Variants in CFAP97D1 observed in about 807,000 individuals in gnomAD.
CFAP97D1 encodes the protein sperm axonemal maintenance protein CFAP97D1.
Under a neutral mutation model 20.5 loss-of-function variants are expected in CFAP97D1, and 15 were observed. The ratio of observed to expected loss-of-function variants is 0.73; its 90% CI spans 0.49 to 1.13. The LOEUF is 1.13. CFAP97D1 is among the 50% of genes most tolerant of loss of function. The pLI is 0.00. For missense variants in CFAP97D1, 168 were observed against 202.9 expected (o/e 0.83, Z 1.04); for synonymous variants, 58 against 71.2 (o/e 0.82, Z 0.93).
intron 4 of CFAP97D1, 120 bp downstream of exon 4, chr17:43,783,423 C>CCAAAGCAAAA: frequency 7.6e-7 from 1 of 1,316,394 alleles, no homozygotes; most frequent in Non-Finnish European, 1.0e-6. Flanking sequence ...ATGTAACAAT[C>CCAAAGCAAAA]GTTAAAAGAA....
chr17:43,781,237 T>C, intron 2 of CFAP97D1, 48 bp downstream of exon 2: 1 of 1,444,944 alleles, frequency 6.9e-7, no homozygotes, highest in Non-Finnish European at 9.5e-7. Flanking sequence ...TTTATTGACT[T>C]CCAGTCTGTT....
chr17:43,784,043 G>C lies in CFAP97D1; in HGVS notation c.*150G>C, dbSNP rs1473211874. The C allele has an allele frequency of 2.2e-5, 12 of 556,592 alleles. No homozygotes were observed. In the East Asian group the frequency reaches 3.4e-4, roughly 16 times the overall value. 34.5% of individuals were successfully genotyped at this position (556,592 alleles called of 1,614,324 possible). ...TAGTCTTCCATTCGGGAAACTTGGG[G>C]CTCTCTGACTTTATTTCTTCTCTCC... is the stretch of plus-strand genomic sequence containing the variant. On this transcript the variant is annotated intron_variant, in intron 5 of 5. Coordinates refer to ENST00000449302, the MANE Select transcript of CFAP97D1 (RefSeq NM_001136483.3).
chr17:43,783,382 T>C (rs1052193084), intron 4 of CFAP97D1, 79 bp downstream of exon 4: 1 of 1,499,590 alleles, frequency 6.7e-7, no homozygotes, highest in African/African-American at 1.4e-5. Context: ...CTCAGAAAAA[T>C]CCCTGAACAG....
intron 1 of CFAP97D1, 64 bp downstream of exon 1, chr17:43,780,650 A>T (rs1162544473): frequency 2.0e-6 from 3 of 1,533,140 alleles, no homozygotes; most frequent in Non-Finnish European, 2.6e-6. Context: ...CCATAAAGAG[A>T]TCAACAGGAA....
chr17:43,783,462 G>C (rs143008045), intron 4 of CFAP97D1, among the ~76,000 whole-genome samples, 159 bp downstream of exon 4: 147 of 151,832 alleles, frequency 9.7e-4, no homozygotes, highest in African/African-American at 3.5e-3. Flanking sequence ...AAAGCTAACA[G>C]GCACAAACCA....
At chr17:43,782,055 G>A in intron 3 of CFAP97D1, among the ~76,000 whole-genome samples, 163 bp downstream of exon 3, 1 of 152,294 alleles carries the variant, frequency 6.6e-6, no homozygotes, top group East Asian at 1.9e-4. Flanking sequence ...TAAAAATGGG[G>A]ACCTTTCTCT....
chr17:43,783,314 A>G lies in CFAP97D1; in HGVS notation c.438+11A>G, dbSNP rs1974494200. ...GAGATAGACTGGCAGGCACGTGGGC[A>G]CTCATGTTATACTCCCAGACACACA... is the stretch of plus-strand genomic sequence containing the variant. On this transcript the variant is annotated intron_variant, in intron 4 of 5. Coordinates refer to ENST00000449302, the MANE Select transcript of CFAP97D1 (RefSeq NM_001136483.3). 6.4e-7 allele frequency: 1 copy of G among 1,550,900 alleles called. No homozygotes were observed. The highest frequency in any genetic ancestry group is 1.2e-5 in the South Asian group (1 of 84,040).
rs575976180 is a variant in CFAP97D1, at chr17:43,780,835, C to T, written c.124+249C>T. Among the ~76,000 whole-genome samples the T allele has an allele frequency of 3.3e-5, 5 of 152,268 alleles. No individual in the cohort carries two copies. In the East Asian group the frequency reaches 7.7e-4, roughly 23 times the overall value. ...AGAAAGGGGATAAGACTTCAGAAGCCAATAGACAGGCTAATAATATTGGAA... is the reference window on the plus strand; with the variant it reads ...AGAAAGGGGATAAGACTTCAGAAGCTAATAGACAGGCTAATAATATTGGAA... On this transcript the variant is annotated intron_variant, in intron 1 of 5. Transcript: ENST00000449302.
chr17:43,783,763 A>G (rs939754210), intron 4 of CFAP97D1, 74 bp from the exon 5 acceptor site: 3 of 1,131,418 alleles, frequency 2.7e-6, no homozygotes, highest in Middle Eastern at 2.0e-4. Flanking sequence ...TTTCTAAGTC[A>G]TCCCTGGGAT....
At chr17:43,783,762 C>A in intron 4 of CFAP97D1, 75 bp from the exon 5 acceptor site, 4 of 1,130,444 alleles carry the variant, frequency 3.5e-6, no homozygotes, top group South Asian at 2.7e-5. Flanking sequence ...TTTTCTAAGT[C>A]ATCCCTGGGA....
At position 43,783,897 on chromosome 17, in the gene CFAP97D1, T is replaced by G. The variant is rs148379784; in HGVS notation, c.*4T>G. 6.7e-4 allele frequency: 1,029 copies of G among 1,546,532 alleles called. 1 individual carries two copies. Among genetic ancestry groups the G allele is most frequent in the Admixed American group, 2.3e-3 (119 of 50,986 alleles). On this transcript the variant is annotated splice_donor_region_variant and intron_variant, in intron 5 of 5. Transcript: ENST00000449302. Reference sequence around the variant, plus strand: ...TCTTCTCTCCCAAAATGAATAGGTATGTCTCTCTTACTATCAAACACTGTG... The same window carrying G: ...TCTTCTCTCCCAAAATGAATAGGTAGGTCTCTCTTACTATCAAACACTGTG...
At position 43,782,319 on chromosome 17, in the gene CFAP97D1, C is replaced by CTT. The variant is rs1974482976; in HGVS notation, c.314+430_314+431dup. 2.0e-5 allele frequency among the ~76,000 whole-genome samples: 3 copies of CTT among 152,346 alleles called. No individual in the cohort carries two copies. In the South Asian group the frequency reaches 6.2e-4, roughly 32 times the overall value. On this transcript the variant is annotated intron_variant, in intron 3 of 5. Transcript: ENST00000449302. ...GAGGGCCTGCTTCATAGACAACCAT[C>CTT]TTTTCACTGTAACCTCACGGGGCAG...
rs2044277961 is a variant in CFAP97D1, at chr17:43,784,445, A to C, written c.*63A>C. On this transcript the variant is annotated 3_prime_UTR_variant, in exon 6 of 6. Coordinates refer to ENST00000449302, the MANE Select transcript of CFAP97D1 (RefSeq NM_001136483.3). The stretch of plus-strand genomic sequence containing the variant: ...GGATTTCTTGGCTGCTCAGGATCTC[A>C]AGACACTCCCGACTGGCTGAATGCT... 1 of 152,280 alleles carries C rather than the reference A, an allele frequency of 6.6e-6. No individual in the cohort carries two copies. The highest frequency in any genetic ancestry group is 2.4e-5 in the African/African-American group (1 of 41,454). The allele number at this position is 152,280 out of a possible 1,614,324, so 9.4% of individuals were successfully genotyped here.
At position 43,783,046 on chromosome 17, in the gene CFAP97D1, C is replaced by G. The variant is rs1036644251; in HGVS notation, c.315-134C>G. 8 of 1,069,656 alleles carry G rather than the reference C, an allele frequency of 7.5e-6. No homozygotes were observed. The African/African-American group carries it at 1.3e-4, about 17-fold the overall frequency. 66.3% of individuals were successfully genotyped at this position (1,069,656 alleles called of 1,614,324 possible). ...GCAGACCAACAGGCTGTCCCAGGGG[C>G]CTGTGGGCTCAGCAGGACAGTTTAC... On this transcript the variant is annotated intron_variant, in intron 3 of 5. Transcript: ENST00000449302.
At position 43,786,111 on chromosome 17, in the gene CFAP97D1, C is replaced by G. The variant is rs908111388; in HGVS notation, c.*1729C>G. The G allele has an allele frequency of 7.9e-5, 12 of 152,256 alleles. No homozygotes were observed. Among genetic ancestry groups the G allele is most frequent in the African/African-American group, 2.7e-4 (11 of 41,458 alleles). The allele number at this position is 152,256 out of a possible 1,614,324, so 9.4% of individuals were successfully genotyped here. A position where few individuals can be genotyped will look rare whatever the true frequency, so the allele number is the denominator to read the frequency against. On this transcript the variant is annotated 3_prime_UTR_variant, in exon 6 of 6. Transcript: ENST00000449302. ...GGAGCCTAGAGTTGTTGTCCCAGGACAGGAGAGGAAGAGTGTATTCCAGTT... is the reference window on the plus strand; with the variant it reads ...GGAGCCTAGAGTTGTTGTCCCAGGAGAGGAGAGGAAGAGTGTATTCCAGTT...
chr17:43,783,400 C>G (rs932980648), intron 4 of CFAP97D1, 97 bp downstream of exon 4: 1 of 1,417,092 alleles, frequency 7.1e-7, no homozygotes, highest in Non-Finnish European at 9.6e-7. Context: ...CAGCTAGAGT[C>G]AGATCACATG....
intron 2 of CFAP97D1, 28 bp downstream of exon 2, chr17:43,781,217 G>A: frequency 6.6e-7 from 1 of 1,523,386 alleles, no homozygotes; most frequent in Non-Finnish European, 8.9e-7. Flanking sequence ...TTGCAGATGT[G>A]CAGATGTATT....
At position 43,786,806 on chromosome 17, in the gene CFAP97D1, C is replaced by G. The variant is rs1251601863; in HGVS notation, c.*2424C>G. The G allele has an allele frequency of 6.6e-6, 1 of 152,186 alleles. No homozygotes were observed. The highest frequency in any genetic ancestry group is 2.1e-4 in the South Asian group (1 of 4,814). The allele number at this position is 152,186 out of a possible 1,614,324, so 9.4% of individuals were successfully genotyped here. On this transcript the variant is annotated 3_prime_UTR_variant, in exon 6 of 6. Transcript: ENST00000449302. ...TGTATGTTCATCCTTTTGAGATTGG[C>G]TTTTTTCACTCAGGATAATTTCCTT... is the stretch of plus-strand genomic sequence containing the variant.
intron 3 of CFAP97D1, among the ~76,000 whole-genome samples, 186 bp downstream of exon 3, chr17:43,782,078 C>T (rs1974480435): frequency 6.6e-6 from 1 of 152,156 alleles, no homozygotes; most frequent in Non-Finnish European, 1.5e-5. Flanking sequence ...CATTAAAGAG[C>T]TTTTATTTCA....
Sources: allele counts gnomAD v4.1 joint callset (sites outside exome capture counted in the v4.1 genomes callset), GRCh38; gene constraint gnomAD v4.1.1; transcripts MANE v1.5; gene names NCBI Gene and HGNC (gene_info 2026-07-23, HGNC 2026-07-21).